The following RALYL variants were observed in gnomAD, a reference collection of about 807,000 sequenced individuals.
RALYL encodes RALY RNA binding protein like.
RALYL carries 29 observed loss-of-function variants against 35.1 expected under a neutral mutation model. The observed-to-expected ratio is 0.83, with a 90% CI of 0.61 to 1.13. The LOEUF is 1.13. Among genes scored for constraint, RALYL ranks in the 50% most tolerant of loss-of-function variants. The pLI is 0.00. For synonymous variants in RALYL, 120 were observed against 127.6 expected (o/e 0.94, Z 0.40); for missense variants, 359 against 360.4 (o/e 1.00, Z 0.03).
At chr8:84,738,593 T>TA (rs1847738141) in intron 2 of RALYL, among the ~76,000 whole-genome samples, 1 of 152,048 alleles carries the variant, frequency 6.6e-6, no homozygotes, top group South Asian at 2.1e-4. Context: ...GCATAATTGA[T>TA]ATTGCCTCTG....
intron 3 of RALYL, among the ~76,000 whole-genome samples, chr8:84,787,745 T>C (rs1819876880): frequency 6.6e-6 from 1 of 152,236 alleles, no homozygotes. Context: ...CTCATTGTGG[T>C]TTTGATTTGC....
chr8:84,278,783 C>G (rs1213268315), intron 1 of RALYL, among the ~76,000 whole-genome samples: 3 of 152,166 alleles, frequency 2.0e-5, no homozygotes, highest in Admixed American at 2.0e-4. Flanking sequence ...ACTTCATTGT[C>G]CATATCACTA....
chr8:84,836,398 G>T (rs76161548), intron 4 of RALYL, among the ~76,000 whole-genome samples: 1 of 152,070 alleles, frequency 6.6e-6, no homozygotes, highest in East Asian at 1.9e-4. Flanking sequence ...CACCAGTAGC[G>T]AGGAACTCTG....
chr8:84,760,291 A>T (rs1812386628), intron 2 of RALYL, among the ~76,000 whole-genome samples: 2 of 152,138 alleles, frequency 1.3e-5, no homozygotes, highest in Non-Finnish European at 2.9e-5. Context: ...GGTGGTAAAA[A>T]TAATGTTCTT....
intron 1 of RALYL, among the ~76,000 whole-genome samples, chr8:84,479,769 T>C (rs2053855925): frequency 6.6e-6 from 1 of 152,162 alleles, no homozygotes; most frequent in Non-Finnish European, 1.5e-5. Flanking sequence ...AAATATTCCT[T>C]AAGTATTCTC....
At chr8:84,376,053 G>A (rs182446376) in intron 1 of RALYL, among the ~76,000 whole-genome samples, 34 of 151,990 alleles carry the variant, frequency 2.2e-4, no homozygotes, top group Admixed American at 2.2e-3. Flanking sequence ...CAAGAAAAAT[G>A]TACCATACAT....
intron 1 of RALYL, among the ~76,000 whole-genome samples, chr8:84,334,453 G>A (rs1056633487): frequency 1.3e-5 from 2 of 151,282 alleles, no homozygotes; most frequent in Admixed American, 1.3e-4. Flanking sequence ...AAATGCTTCA[G>A]TATGTATTTC....
At chr8:84,357,914 A>T (rs549922463) in intron 1 of RALYL, among the ~76,000 whole-genome samples, 14 of 151,578 alleles carry the variant, frequency 9.2e-5, no homozygotes, top group African/African-American at 3.4e-4. Flanking sequence ...TGATTTAATT[A>T]AAGTTTATAT....
intron 7 of RALYL, among the ~76,000 whole-genome samples, chr8:84,879,269 G>T (rs1333534279): frequency 6.6e-6 from 1 of 152,038 alleles, no homozygotes; most frequent in South Asian, 2.1e-4. Context: ...AGAAGGAGGG[G>T]TAAGTTTGCA....
intron 3 of RALYL, among the ~76,000 whole-genome samples, chr8:84,804,471 TGA>T (rs1159468595): frequency 6.6e-6 from 1 of 152,008 alleles, no homozygotes; most frequent in Non-Finnish European, 1.5e-5. Context: ...ATAAAGAAAA[TGA>T]GTAGATACAG....
At chr8:84,555,488 C>T (rs1414032872) in intron 2 of RALYL, among the ~76,000 whole-genome samples, 4 of 152,130 alleles carry the variant, frequency 2.6e-5, no homozygotes, top group African/African-American at 9.7e-5. Context: ...TGTGGAACCT[C>T]TTTAGGCTGT....
intron 1 of RALYL, among the ~76,000 whole-genome samples, chr8:84,348,586 A>AT (rs1171557802): frequency 2.0e-5 from 3 of 152,142 alleles, no homozygotes; most frequent in Non-Finnish European, 4.4e-5. Flanking sequence ...TGCCCAGGCA[A>AT]TTACACCACC....
At chr8:84,388,311 ATG>A (rs1859731655) in intron 1 of RALYL, among the ~76,000 whole-genome samples, 2 of 152,088 alleles carry the variant, frequency 1.3e-5, no homozygotes, top group African/African-American at 4.8e-5. Context: ...ATATGTGTGC[ATG>A]TGTCTTTATA....
chr8:84,602,349 C>T (rs538809142), intron 2 of RALYL, among the ~76,000 whole-genome samples: 1 of 152,102 alleles, frequency 6.6e-6, no homozygotes, highest in Non-Finnish European at 1.5e-5. Flanking sequence ...TCAGACACCA[C>T]ATTCTGTTCA....
chr8:84,590,397 G>A (rs1231067265), intron 2 of RALYL, among the ~76,000 whole-genome samples: 2 of 152,202 alleles, frequency 1.3e-5, no homozygotes. Context: ...TCAACAGTGT[G>A]TCACTCAAGG....
At chr8:84,664,111 A>C (rs1831450931) in intron 2 of RALYL, among the ~76,000 whole-genome samples, 1 of 152,090 alleles carries the variant, frequency 6.6e-6, no homozygotes, top group South Asian at 2.1e-4. Context: ...GGTTTGTCAA[A>C]GATCAGATGG....
intron 8 of RALYL, among the ~76,000 whole-genome samples, chr8:84,907,208 A>C (rs1275932345): frequency 6.6e-6 from 1 of 152,068 alleles, no homozygotes; most frequent in Admixed American, 6.6e-5. Flanking sequence ...AGCTGTGTGA[A>C]TTGAACAAGT....
At chr8:84,290,064 G>T (rs995932379) in intron 1 of RALYL, among the ~76,000 whole-genome samples, 11 of 152,182 alleles carry the variant, frequency 7.2e-5, no homozygotes, top group African/African-American at 2.7e-4. Context: ...TACCACTGTT[G>T]CATAGAGACA....
intron 2 of RALYL, among the ~76,000 whole-genome samples, chr8:84,651,363 A>G (rs895727017): frequency 2.0e-5 from 3 of 151,952 alleles, no homozygotes; most frequent in African/African-American, 7.2e-5. Flanking sequence ...AATAACTTGT[A>G]TGGAACCACA....
Sources: allele counts gnomAD v4.1 joint callset (sites outside exome capture counted in the v4.1 genomes callset), GRCh38; gene constraint gnomAD v4.1.1; transcripts MANE v1.5; gene names NCBI Gene and HGNC (gene_info 2026-07-23, HGNC 2026-07-21).